Variants in GTPBP1 observed in about 807,000 individuals in gnomAD.
The protein encoded by GTPBP1 is GTP-binding protein 1.
Under a neutral mutation model 62.0 loss-of-function variants are expected in GTPBP1, and 23 were observed. The ratio of observed to expected loss-of-function variants is 0.37; its 90% confidence interval spans 0.27 to 0.53. The LOEUF (loss-of-function observed/expected upper bound fraction) is 0.53. Among genes scored for constraint, GTPBP1 ranks in the 20% least tolerant of loss-of-function variants. The pLI, the probability that GTPBP1 is intolerant of heterozygous loss-of-function variation, is 0.89. For missense variants in GTPBP1, 640 were observed against 917.3 expected, an observed-to-expected ratio of 0.70 and a Z score of 3.90; for synonymous variants, 344 against 364.4, an observed-to-expected ratio of 0.94 and a Z score of 0.64.
chr22:38,720,028 A>G (rs920314792), intron 4 of GTPBP1, among the ~76,000 whole-genome samples: 2 of 148,230 alleles, frequency 1.3e-5, no homozygotes, highest in African/African-American at 5.0e-5. Context: ...TCCCGGGTTC[A>G]TGCCATTCTT....
At chr22:38,737,674 G>A (rs1285933984), downstream of GTPBP1, 3 of 352,522 alleles carry the variant, frequency 8.5e-6, no homozygotes, top group South Asian at 4.3e-5. This position sits in a 1 kb window ranked among gnomAD's most constrained non-coding sequence, Gnocchi z 4.1. Context: ...TTAGGCCAAT[G>A]GTTTGTTCAA....
In GTPBP1 at chr22:38,729,538, C is replaced by T. The variant is rs1308265693; in HGVS notation, c.1793C>T (p.Pro598Leu). 9 of 1,609,322 alleles carry T rather than the reference C, an allele frequency of 5.6e-6. No homozygotes were observed. The highest frequency in any genetic ancestry group is 3.4e-5 in the Admixed American group (2 of 59,430). The change falls in exon 11 of 12, where the codon CCC becomes CTC. Residue 598 changes from proline to leucine, a missense_variant. Pro to Leu is a moderately conservative substitution (Grantham distance 98). This residue lies in a region of GTPBP1 where 117 missense variants were observed against 107.1 expected (regional missense o/e 1.09). Transcript: ENST00000216044. ...AAAATGCAGTCGACGAAAAAGGGCC[C>T]CCTGACGAAACGAGACGAGGGGGGC... ...QIKMQSTKKG[P>L]LTKRDEGGPS...
downstream of GTPBP1, chr22:38,734,623 G>A (rs999251093): frequency 4.4e-6 from 1 of 227,178 alleles, no homozygotes; most frequent in African/African-American, 2.4e-5. Context: ...CTGAACTTCA[G>A]GAATAAGTCT....
chr22:38,734,320 C>T (rs779305162), downstream of GTPBP1: 1 of 466,796 alleles, frequency 2.1e-6, no homozygotes, highest in South Asian at 1.6e-5. Flanking sequence ...TTGTCCCTTC[C>T]CAGTCACAGG....
chr22:38,717,432 A>T (rs2092676963), intron 4 of GTPBP1, among the ~76,000 whole-genome samples: 1 of 152,172 alleles, frequency 6.6e-6, no homozygotes, highest in Non-Finnish European at 1.5e-5. Context: ...CACAGGCCAC[A>T]GTCGAGAGGC....
intron 2 of GTPBP1, among the ~76,000 whole-genome samples, chr22:38,712,572 C>T (rs1274655708): frequency 5.3e-5 from 8 of 152,248 alleles, no homozygotes; most frequent in Middle Eastern, 3.4e-3. Context: ...ATCTGATTAG[C>T]GTCTGGCATG....
intron 4 of GTPBP1, among the ~76,000 whole-genome samples, chr22:38,719,822 T>C (rs2092690140): frequency 6.6e-6 from 1 of 152,114 alleles, no homozygotes; most frequent in South Asian, 2.1e-4. Flanking sequence ...AAATATTTAG[T>C]CTGTATTTAT....
chr22:38,728,924 G>C (rs2092741084), intron 10 of GTPBP1: 2 of 152,732 alleles, frequency 1.3e-5, no homozygotes, highest in African/African-American at 4.8e-5. Flanking sequence ...CCAAACTCCA[G>C]ATGTTTCCAG....
chr22:38,721,493 A>C (rs1421933497), intron 4 of GTPBP1, among the ~76,000 whole-genome samples: 2 of 152,188 alleles, frequency 1.3e-5, no homozygotes, highest in South Asian at 4.1e-4. Flanking sequence ...CTGGGGTTAC[A>C]GGCATGAGCC....
rs756643394 is a variant in GTPBP1 at position 38,728,086 on chromosome 22, C to T, written c.1641C>T (p.Thr547=). 5 of 1,613,028 alleles carry T rather than the reference C, an allele frequency of 3.1e-6. No homozygotes were observed. The African/African-American group carries it at 5.3e-5, about 17-fold the overall frequency. Residue 547 remains threonine (T), a synonymous_variant, in exon 10 of 12, where the codon ACC becomes ACT. Coordinates refer to ENST00000216044, the MANE Select transcript of GTPBP1 (RefSeq NM_004286.5). ...CTGTACACTTCCGCTTCATCAAGAC[C>T]CCTGAGTACCTGCACATAGACCAGC... ...KATVHFRFIK[T]PEYLHIDQRL...
At chr22:38,741,359 G>T (rs1333516215), downstream of GTPBP1, 6 of 903,116 alleles carry the variant, frequency 6.6e-6, no homozygotes, top group African/African-American at 3.3e-5. Context: ...GTCAAACAGA[G>T]AAGTCAGAGG....
At position 38,731,180 on chromosome 22, in the gene GTPBP1, C is replaced by T. The variant is rs2092758241; in HGVS notation, c.*476C>T. 1 of 154,546 alleles carries T rather than the reference C, an allele frequency of 6.5e-6. No individual in the cohort carries two copies. Among genetic ancestry groups the T allele is most frequent in the South Asian group, 2.0e-4 (1 of 5,122 alleles). 9.6% of individuals were successfully genotyped at this position (154,546 alleles called of 1,614,324 possible). A position where few individuals can be genotyped will look rare whatever the true frequency, so the allele number is the denominator to read the frequency against. The stretch of plus-strand genomic sequence containing the variant: ...TCAGGAGGGGAAGGAGCCGCCCTCC[C>T]TATCTTGCTGCTCCTCTTGGCACTC... On this transcript the variant is annotated 3_prime_UTR_variant, in exon 12 of 12. Transcript: ENST00000216044.
At chr22:38,733,693 AG>A (rs1409162207), downstream of GTPBP1, 1 of 152,512 alleles carries the variant, frequency 6.6e-6, no homozygotes. Context: ...CTGACTCCAC[AG>A]TCAGGACTGT....
chr22:38,716,871 G>A lies in GTPBP1; in HGVS notation c.705G>A (p.Leu235=). 6.2e-7 allele frequency: 1 copy of A among 1,614,014 alleles called. No homozygotes were observed. Residue 235 remains leucine, a synonymous_variant, in exon 4 of 12, where the codon CTG becomes CTA. Coordinates refer to ENST00000216044, the MANE Select transcript of GTPBP1 (RefSeq NM_004286.5). This position sits in a 1 kb window ranked among gnomAD's most constrained non-coding sequence, Gnocchi z 5.2. ...VNKPDSHGGS[L]EWTKICEKST... is the part of the protein sequence containing the mutation. ...AGCCTGACAGCCACGGCGGCAGCCT[G>A]GAGTGGACCAAGATCTGTGAGAAGT...
chr22:38,723,366 CA>C lies in GTPBP1; in HGVS notation c.959-930del. The C allele has an allele frequency of 4.7e-6, 4 of 852,374 alleles. No individual in the cohort carries two copies. In the South Asian group the frequency reaches 5.5e-5, roughly 12 times the overall value. 52.8% of individuals were successfully genotyped at this position (852,374 alleles called of 1,614,324 possible). On this transcript the variant is annotated intron_variant, in intron 5 of 11. Coordinates refer to ENST00000216044, the MANE Select transcript of GTPBP1 (RefSeq NM_004286.5). ...CTAAAGAATTTTGCTTGACTGGAACCAGACCATAATATGTTTGTCAAGCTCG... is the reference window on the plus strand; with the variant it reads ...CTAAAGAATTTTGCTTGACTGGAACCGACCATAATATGTTTGTCAAGCTCG...
intron 2 of GTPBP1, among the ~76,000 whole-genome samples, 175 bp downstream of exon 2, chr22:38,709,131 A>G (rs1021052459): frequency 5.3e-5 from 8 of 152,136 alleles, no homozygotes; most frequent in African/African-American, 1.7e-4. Context: ...AAAAATACAA[A>G]AAATTAGCCG....
At position 38,732,362 on chromosome 22, in the gene GTPBP1, G is replaced by C. The variant is rs5757265; in HGVS notation, c.*1658G>C. ...GCAGGGCAGTGCTGTGAGGAGCCCA[G>C]CTTTCCCAGTCAGGCAGGCATGGCT... On this transcript the variant is annotated 3_prime_UTR_variant, in exon 12 of 12. Transcript: ENST00000216044. The C allele has an allele frequency of 5.2e-4, 80 of 152,698 alleles. No homozygotes were observed. Among genetic ancestry groups the C allele is most frequent in the African/African-American group, 1.9e-3 (79 of 41,574 alleles). 9.5% of individuals were successfully genotyped at this position (152,698 alleles called of 1,614,324 possible).
At chr22:38,713,005 G>A (rs368306693) in intron 2 of GTPBP1, among the ~76,000 whole-genome samples, 1 of 152,206 alleles carries the variant, frequency 6.6e-6, no homozygotes, top group East Asian at 1.9e-4. Flanking sequence ...CTTATGTATT[G>A]TGCGGGGAGG....
chr22:38,727,367 G>A lies in GTPBP1; in HGVS notation c.1537+19G>A. 2 of 1,528,744 alleles carry A rather than the reference G, an allele frequency of 1.3e-6. No individual in the cohort carries two copies. The highest frequency in any genetic ancestry group is 1.8e-6 in the Non-Finnish European group (2 of 1,134,864). 94.7% of individuals were successfully genotyped at this position (1,528,744 alleles called of 1,614,324 possible). On this transcript the variant is annotated intron_variant, in intron 9 of 11. Transcript: ENST00000216044. The surrounding 1 kb of genome is among the most constrained non-coding windows in gnomAD (Gnocchi z 6.5). ...GCCATGGGTAGGTGTCTAAGGCCCTGCCAGCCCAGGAGGCCGTCGTGTTAG... is the reference window on the plus strand; with the variant it reads ...GCCATGGGTAGGTGTCTAAGGCCCTACCAGCCCAGGAGGCCGTCGTGTTAG...
Sources: allele counts gnomAD v4.1 joint callset (sites outside exome capture counted in the v4.1 genomes callset), GRCh38; gene constraint gnomAD v4.1.1; regional missense constraint gnomAD v4.1.1; non-coding constraint Gnocchi (gnomAD v3.1); transcripts MANE v1.5; gene names NCBI Gene and HGNC (gene_info 2026-07-23, HGNC 2026-07-21).